The following RALYL variants were observed in gnomAD, a reference collection of about 807,000 sequenced individuals.
RALYL encodes RALY RNA binding protein like.
In RALYL, 29 loss-of-function variants were observed where a neutral mutation model predicts 35.1. That is an observed-to-expected ratio of 0.83 (90% CI 0.61 to 1.13). The LOEUF (loss-of-function observed/expected upper bound fraction) is 1.13, where lower values mean the gene tolerates loss of function less well. Among genes scored for constraint, RALYL ranks in the 50% most tolerant of loss-of-function variants. The probability of loss-of-function intolerance (pLI) is 0.00; values close to 1 mark genes in which losing one functional copy is unlikely to be tolerated. For synonymous variants in RALYL, 120 were observed against 127.6 expected, an observed-to-expected ratio of 0.94 and a Z score of 0.40; for missense variants, 359 against 360.4, an observed-to-expected ratio of 1.00 and a Z score of 0.03.
chr8:84,184,703 G>T (rs976405201), intron 1 of RALYL, among the ~76,000 whole-genome samples: 1 of 151,960 alleles, frequency 6.6e-6, no homozygotes, highest in African/African-American at 2.4e-5. Context: ...CGGCGGGGCG[G>T]GTGGCGTCTG....
In RALYL at chr8:84,871,307, T is replaced by C. The variant is rs77078930; in HGVS notation, c.572-1977T>C. On this transcript the variant is annotated intron_variant, in intron 6 of 8. Transcript: ENST00000521268. ...TTTCAATAAAGTGGAGTAGTAGTGG[T>C]TTATTGGCTTGTTTTTTAAGGCAAT... is the stretch of plus-strand genomic sequence containing the variant. Among the ~76,000 whole-genome samples the C allele has an allele frequency of 9.8e-3, 1,496 of 152,202 alleles. 22 individuals carry two copies. The highest frequency in any genetic ancestry group is 0.034 in the Middle Eastern group (10 of 294).
intron 2 of RALYL, among the ~76,000 whole-genome samples, chr8:84,598,328 TA>T (rs1427007313): frequency 4.6e-5 from 7 of 152,272 alleles, no homozygotes; most frequent in African/African-American, 1.7e-4. Context: ...CAGCTTGTAC[TA>T]CAGGTGTGCA....
At chr8:84,496,965 A>G (rs1450890222) in intron 1 of RALYL, among the ~76,000 whole-genome samples, 1 of 152,192 alleles carries the variant, frequency 6.6e-6, no homozygotes, top group African/African-American at 2.4e-5. Context: ...AAGAAGCTAA[A>G]CATATGAAGA....
At chr8:84,428,118 A>T (rs1316167596) in intron 1 of RALYL, among the ~76,000 whole-genome samples, 13 of 150,900 alleles carry the variant, frequency 8.6e-5, no homozygotes, top group African/African-American at 2.2e-4. Context: ...ACACACACAC[A>T]CACACACACA....
intron 1 of RALYL, among the ~76,000 whole-genome samples, chr8:84,314,508 G>C (rs750187595): frequency 4.0e-5 from 6 of 151,884 alleles, no homozygotes; most frequent in Non-Finnish European, 8.8e-5. Flanking sequence ...TACCAAAAAA[G>C]ATCTTCTCAA....
At chr8:84,735,841 A>AGAGAGAGAAC (rs1554556154) in intron 2 of RALYL, among the ~76,000 whole-genome samples, 1 of 150,416 alleles carries the variant, frequency 6.6e-6, no homozygotes, top group African/African-American at 2.5e-5. Flanking sequence ...AGAGAGAGAG[A>AGAGAGAGAAC]GAGAGAGAAC....
chr8:84,870,792 C>T (rs28520830), intron 6 of RALYL, among the ~76,000 whole-genome samples: 226 of 152,120 alleles, frequency 1.5e-3, no homozygotes, highest in Non-Finnish European at 2.7e-3. Context: ...AGCACAAAAC[C>T]GTACCCCATA....
intron 4 of RALYL, among the ~76,000 whole-genome samples, chr8:84,833,403 C>T (rs574378037): frequency 6.6e-6 from 1 of 151,888 alleles, no homozygotes; most frequent in African/African-American, 2.4e-5. Flanking sequence ...TTTGAGAGGC[C>T]AAGGCGGCTA....
intron 2 of RALYL, among the ~76,000 whole-genome samples, chr8:84,696,022 A>T (rs565097260): frequency 2.2e-4 from 34 of 151,936 alleles, no homozygotes; most frequent in Admixed American, 7.9e-4. Context: ...TATGAACAGG[A>T]TGATGAATCA....
chr8:84,419,415 T>G (rs2045178833), intron 1 of RALYL, among the ~76,000 whole-genome samples: 1 of 152,120 alleles, frequency 6.6e-6, no homozygotes, highest in African/African-American at 2.4e-5. Flanking sequence ...TTCCAACATT[T>G]TCATTGTCTT....
intron 1 of RALYL, among the ~76,000 whole-genome samples, chr8:84,469,585 G>A (rs1378736540): frequency 1.3e-5 from 2 of 152,168 alleles, no homozygotes; most frequent in African/African-American, 4.8e-5. Context: ...AGAGGTTACT[G>A]CTGTCTTTTT....
intron 1 of RALYL, among the ~76,000 whole-genome samples, chr8:84,371,435 A>G (rs554948349): frequency 6.6e-6 from 1 of 152,004 alleles, no homozygotes; most frequent in Non-Finnish European, 1.5e-5. Context: ...GTATTTCTGC[A>G]TTGAATTCCT....
chr8:84,322,226 C>A (rs1844995298), intron 1 of RALYL, among the ~76,000 whole-genome samples: 1 of 152,070 alleles, frequency 6.6e-6, no homozygotes, highest in Non-Finnish European at 1.5e-5. Flanking sequence ...TATTCTCAAG[C>A]TCACATGAAG....
chr8:84,330,886 G>T (rs1489629128), intron 1 of RALYL, among the ~76,000 whole-genome samples: 1 of 152,004 alleles, frequency 6.6e-6, no homozygotes, highest in Non-Finnish European at 1.5e-5. Context: ...AGAATTTCAT[G>T]AACTTCTAGA....
intron 2 of RALYL, among the ~76,000 whole-genome samples, chr8:84,703,798 G>C (rs1840641169): frequency 6.6e-6 from 1 of 152,078 alleles, no homozygotes; most frequent in Admixed American, 6.6e-5. Flanking sequence ...TGCCTTGTTG[G>C]TCTTATGGCA....
intron 4 of RALYL, among the ~76,000 whole-genome samples, chr8:84,830,023 G>T (rs1054982934): frequency 2.8e-5 from 4 of 140,714 alleles, no homozygotes; most frequent in East Asian, 2.4e-4. Context: ...TACTGGGGGG[G>T]GGGGGGCATT....
intron 1 of RALYL, among the ~76,000 whole-genome samples, chr8:84,321,616 A>G (rs1844822928): frequency 6.6e-6 from 1 of 152,018 alleles, no homozygotes. Context: ...ACGACAGCCC[A>G]CTCTATCTTT....
At chr8:84,788,852 A>G (rs1477706582) in intron 3 of RALYL, among the ~76,000 whole-genome samples, 1 of 152,164 alleles carries the variant, frequency 6.6e-6, no homozygotes, top group Non-Finnish European at 1.5e-5. Context: ...AAAAAGAAAA[A>G]AGTCAAAATA....
intron 1 of RALYL, among the ~76,000 whole-genome samples, chr8:84,453,436 C>G (rs978265506): frequency 7.2e-5 from 11 of 151,930 alleles, no homozygotes; most frequent in African/African-American, 2.4e-4. Context: ...ATTTATTTGT[C>G]CAGTTAAGCT....
Sources: allele counts gnomAD v4.1 joint callset (sites outside exome capture counted in the v4.1 genomes callset), GRCh38; gene constraint gnomAD v4.1.1; transcripts MANE v1.5; gene names NCBI Gene and HGNC (gene_info 2026-07-23, HGNC 2026-07-21).